SRPK2: variants seen among roughly 807,000 people sequenced by gnomAD.
SRPK2 encodes SRSF protein kinase 2.
In SRPK2, 21 loss-of-function variants were observed where a neutral mutation model predicts 90.8. The observed-to-expected ratio is 0.23, with a 90% CI of 0.16 to 0.33. The LOEUF (loss-of-function observed/expected upper bound fraction) is 0.33, where lower values mean the gene tolerates loss of function less well. Among genes scored for constraint, SRPK2 ranks in the 10% least tolerant of loss-of-function variants. The pLI is 1.00. For synonymous variants in SRPK2, 288 were observed against 311.1 expected, an observed-to-expected ratio of 0.93 and a Z score of 0.78; for missense variants, 620 against 869.0, an observed-to-expected ratio of 0.71 and a Z score of 3.60.
At chr7:105,277,072 CTTA>C (rs930375846) in intron 2 of SRPK2, among the ~76,000 whole-genome samples, 2 of 147,094 alleles carry the variant, frequency 1.4e-5, no homozygotes, top group Non-Finnish European at 1.5e-5. Context: ...GTGTCTCCAA[CTTA>C]TTATTATTAT....
At chr7:105,313,446 C>G (rs1251165073) in intron 2 of SRPK2, among the ~76,000 whole-genome samples, 1 of 64,552 alleles carries the variant, frequency 1.5e-5, no homozygotes, top group African/African-American at 5.2e-5. Flanking sequence ...GACTCCATCT[C>G]AAAAAAAAAA....
At position 105,163,318 on chromosome 7, in the gene SRPK2, CAAATTTATGATG is replaced by C. The variant is rs1317688781; in HGVS notation, c.515-2717_515-2706del. Among the ~76,000 whole-genome samples, 16 of 152,168 alleles carry C rather than the reference CAAATTTATGATG, an allele frequency of 1.1e-4. No individual in the cohort carries two copies. The South Asian group carries it at 1.7e-3, about 16-fold the overall frequency. On this transcript the variant is annotated intron_variant, in intron 6 of 15. Coordinates refer to ENST00000393651, the MANE Select transcript of SRPK2 (RefSeq NM_182692.3). ...CTAAAATCAAAGCAATAACAAACAT[CAAATTTATGATG>C]AAGCTTGGGTGAAAAAATGGTGAAA...
intron 3 of SRPK2, among the ~76,000 whole-genome samples, chr7:105,199,439 C>T (rs1211846411): frequency 2.0e-4 from 31 of 152,148 alleles, no homozygotes; most frequent in Admixed American, 2.0e-3. Flanking sequence ...ACACACACTA[C>T]CAGCCTGGGA....
chr7:105,170,974 A>G lies in SRPK2; in HGVS notation c.230-1709T>C, dbSNP rs988517822. On this transcript the variant is annotated intron_variant, in intron 3 of 15. Coordinates refer to ENST00000393651, the MANE Select transcript of SRPK2 (RefSeq NM_182692.3). ...AAGAAAGAAAGAAAGAAAGAGAAAG[A>G]AAGAGAAAGAAAGAAAGAAAGAGAA... is the stretch of plus-strand genomic sequence containing the variant. 6.5e-5 allele frequency among the ~76,000 whole-genome samples: 6 copies of G among 92,678 alleles called. No homozygotes were observed. In the East Asian group the frequency reaches 1.5e-3, roughly 23 times the overall value. The allele number at this position is 92,678 out of a possible 152,430, so 60.8% of individuals were successfully genotyped here.
intron 2 of SRPK2, among the ~76,000 whole-genome samples, chr7:105,261,042 A>AAAC (rs398005704): frequency 6.7e-6 from 1 of 148,548 alleles, no homozygotes; most frequent in Non-Finnish European, 1.5e-5. Flanking sequence ...AAAAAAAAAA[A>AAAC]CAGTATGGAG....
intron 2 of SRPK2, among the ~76,000 whole-genome samples, chr7:105,244,120 G>A (rs2129626074): frequency 6.6e-6 from 1 of 152,336 alleles, no homozygotes; most frequent in Admixed American, 6.5e-5. Context: ...TGGTCAGGAG[G>A]CTTTTCCAGG....
chr7:105,247,620 A>C (rs1801885129), intron 2 of SRPK2, among the ~76,000 whole-genome samples: 1 of 152,120 alleles, frequency 6.6e-6, no homozygotes, highest in Non-Finnish European at 1.5e-5. Context: ...TTAACTGAAC[A>C]AAATATGACA....
chr7:105,372,135 A>G (rs1819769318), intron 2 of SRPK2, among the ~76,000 whole-genome samples: 1 of 87,490 alleles, frequency 1.1e-5, no homozygotes, highest in Non-Finnish European at 2.5e-5. Context: ...ACTCCAACTC[A>G]TAAAAAAAAA....
chr7:105,233,997 TTAAAA>T (rs1330669891), intron 2 of SRPK2, among the ~76,000 whole-genome samples: 20 of 152,130 alleles, frequency 1.3e-4, no homozygotes, highest in Admixed American at 2.6e-4. Context: ...TTGTTAAATA[TTAAAA>T]TAAAACTAAT....
intron 2 of SRPK2, among the ~76,000 whole-genome samples, chr7:105,382,959 T>C (rs969344463): frequency 6.6e-6 from 1 of 151,510 alleles, no homozygotes; most frequent in Non-Finnish European, 1.5e-5. Flanking sequence ...ATGGTTAAGA[T>C]ATCAACGTCA....
chr7:105,244,881 G>A lies in SRPK2; in HGVS notation c.72-41096C>T, dbSNP rs903373030. On this transcript the variant is annotated intron_variant, in intron 2 of 15. Transcript: ENST00000393651. ...GGTCCTCAAGTTCATCAAGAAAAGG[G>A]TGTGGGCGCACATCCGCGCCAAGAG... 1.5e-5 allele frequency: 20 copies of A among 1,334,224 alleles called. No individual in the cohort carries two copies. In the African/African-American group the frequency reaches 2.9e-4, roughly 19 times the overall value. The allele number at this position is 1,334,224 out of a possible 1,614,324, so 82.6% of individuals were successfully genotyped here.
chr7:105,141,996 A>G lies in SRPK2; in HGVS notation c.1543+12T>C. ...CAGCGATGGCAGACAGTTGATGGGA[A>G]GAAACACTTACCTTTTGGCAAATCC... On this transcript the variant is annotated intron_variant, in intron 11 of 15. Transcript: ENST00000393651. 1 of 1,596,066 alleles carries G rather than the reference A, an allele frequency of 6.3e-7. No homozygotes were observed. Among genetic ancestry groups the G allele is most frequent in the Non-Finnish European group, 8.5e-7 (1 of 1,170,726 alleles).
intron 3 of SRPK2, among the ~76,000 whole-genome samples, chr7:105,176,585 ATATATGTGTGTGTGTGTGTGTG>A (rs1791898549): frequency 3.3e-5 from 1 of 30,710 alleles, no homozygotes; most frequent in Non-Finnish European, 9.7e-5. Flanking sequence ...GTGTGTATGT[ATATATGTGTGTGTGTGTGTGTG>A]TGTATACGTG....
intron 7 of SRPK2, among the ~76,000 whole-genome samples, chr7:105,158,171 C>T (rs1013209982): frequency 1.3e-5 from 2 of 152,196 alleles, no homozygotes; most frequent in Admixed American, 6.5e-5. Flanking sequence ...CATCTTTCAA[C>T]TTACAGACTC....
intron 7 of SRPK2, among the ~76,000 whole-genome samples, chr7:105,148,801 A>G (rs1277112041): frequency 6.6e-6 from 1 of 152,252 alleles, no homozygotes; most frequent in Non-Finnish European, 1.5e-5. Flanking sequence ...ACTTTGACCC[A>G]ACCTGGAGCT....
chr7:105,347,220 C>T lies in SRPK2; in HGVS notation c.71+41428G>A, dbSNP rs1427578979. Among the ~76,000 whole-genome samples, 8 of 151,976 alleles carry T rather than the reference C, an allele frequency of 5.3e-5. No individual in the cohort carries two copies. The East Asian group carries it at 5.8e-4, about 11-fold the overall frequency. On this transcript the variant is annotated intron_variant, in intron 2 of 15. Transcript: ENST00000393651. ...CTGGGACTACAGACATGTGCCACCG[C>T]GCCCGGCTAATTATTTAATTTAGTA...
intron 2 of SRPK2, among the ~76,000 whole-genome samples, chr7:105,358,875 G>A (rs1309922059): frequency 6.6e-6 from 1 of 152,028 alleles, no homozygotes; most frequent in Middle Eastern, 3.2e-3. Flanking sequence ...TAATTTCAGT[G>A]AGGGTCTCAG....
intron 6 of SRPK2, among the ~76,000 whole-genome samples, chr7:105,165,122 G>A (rs1451735064): frequency 6.6e-6 from 1 of 152,094 alleles, no homozygotes; most frequent in Non-Finnish European, 1.5e-5. Context: ...TACAGGTTTT[G>A]GGATACTTTG....
At chr7:105,383,879 A>C (rs961327775) in intron 2 of SRPK2, among the ~76,000 whole-genome samples, 1 of 152,238 alleles carries the variant, frequency 6.6e-6, no homozygotes, top group African/African-American at 2.4e-5. Context: ...CACATACTGT[A>C]TATTCCATTT....
Sources: allele counts gnomAD v4.1 joint callset (sites outside exome capture counted in the v4.1 genomes callset), GRCh38; gene constraint gnomAD v4.1.1; transcripts MANE v1.5; gene names NCBI Gene and HGNC (gene_info 2026-07-23, HGNC 2026-07-21).